The following TCF7L2 variants were observed in gnomAD, a reference collection of about 807,000 sequenced individuals.
TCF7L2 encodes transcription factor 7 like 2.
A neutral mutation model predicts 77.9 loss-of-function variants in TCF7L2; 23 were observed. That is an observed-to-expected ratio of 0.30 (90% CI 0.21 to 0.42). The LOEUF (loss-of-function observed/expected upper bound fraction) is 0.42, where lower values mean the gene tolerates loss of function less well. Ranked by LOEUF, TCF7L2 falls within the 10% of genes least tolerant of loss-of-function variation. The pLI, the probability that TCF7L2 is intolerant of heterozygous loss-of-function variation, is 1.00. For missense variants in TCF7L2, 654 were observed against 793.1 expected (o/e 0.82, Z 2.11); for synonymous variants, 413 against 340.2 (o/e 1.21, Z -2.36).
chr10:112,967,364 C>G (rs1227126924), intron 4 of TCF7L2, among the ~76,000 whole-genome samples: 1 of 152,200 alleles, frequency 6.6e-6, no homozygotes, highest in Admixed American at 6.5e-5. Context: ...TCACATTAGA[C>G]TCATACGACT....
chr10:113,089,681 C>T, intron 5 of TCF7L2: 1 of 1,150,788 alleles, frequency 8.7e-7, no homozygotes, highest in Non-Finnish European at 1.2e-6. Context: ...TTTTGGGTGC[C>T]ATGATGTCTG....
intron 5 of TCF7L2, among the ~76,000 whole-genome samples, chr10:113,110,614 C>T (rs907454561): frequency 6.6e-6 from 1 of 152,110 alleles, no homozygotes; most frequent in Non-Finnish European, 1.5e-5. Context: ...TAATTGCTGG[C>T]TTTTGACCCC....
rs1225309646 is a variant in TCF7L2 at position 112,950,620 on chromosome 10, A to G, written c.-137A>G. The G allele has an allele frequency of 1.4e-6, 1 of 712,842 alleles. No homozygotes were observed. The highest frequency in any genetic ancestry group is 2.0e-6 in the Non-Finnish European group (1 of 505,472). The allele number at this position is 712,842 out of a possible 1,614,324, so 44.2% of individuals were successfully genotyped here. ...CCCCAGGAGAAAAAGACCCCCAAGC[A>G]GAAAAAAGTTCACCTTGGACTCGTC... is the stretch of plus-strand genomic sequence containing the variant. On this transcript the variant is annotated 5_prime_UTR_variant, in exon 1 of 14. Transcript: ENST00000627217.
intron 4 of TCF7L2, among the ~76,000 whole-genome samples, chr10:113,027,698 A>G (rs1192692769): frequency 6.6e-6 from 1 of 152,168 alleles, no homozygotes. Flanking sequence ...GGCAGGGGTA[A>G]GAGAGGCAGT....
intron 4 of TCF7L2, among the ~76,000 whole-genome samples, chr10:113,007,170 A>G (rs1191019341): frequency 6.6e-6 from 1 of 152,154 alleles, no homozygotes; most frequent in Non-Finnish European, 1.5e-5. Context: ...TGAGAGAAGG[A>G]TCATGGGGTA....
At chr10:113,039,945 A>G in intron 4 of TCF7L2, 80 bp from the exon 5 acceptor site, 1 of 1,229,074 alleles carries the variant, frequency 8.1e-7, no homozygotes, top group South Asian at 1.3e-5. Flanking sequence ...CCCATGTCAC[A>G]GTTATTTCTT....
chr10:112,966,184 T>TATATATATATATATATATATA (rs2036754580), intron 4 of TCF7L2, among the ~76,000 whole-genome samples: 7 of 114,278 alleles, frequency 6.1e-5, no homozygotes, highest in African/African-American at 2.4e-4. Flanking sequence ...TAAAATATAT[T>TATATATATATATATATATATA]TATATATATA....
At chr10:113,084,003 G>C (rs1164879895) in intron 5 of TCF7L2, among the ~76,000 whole-genome samples, 1 of 152,166 alleles carries the variant, frequency 6.6e-6, no homozygotes, top group Non-Finnish European at 1.5e-5. Context: ...AATTAAATGA[G>C]ATGATTTCTA....
chr10:113,167,025 A>G lies in TCF7L2; in HGVS notation c.*1053A>G. 4.3e-6 allele frequency: 1 copy of G among 231,680 alleles called. No homozygotes were observed. 14.4% of individuals were successfully genotyped at this position (231,680 alleles called of 1,614,324 possible). A position where few individuals can be genotyped will look rare whatever the true frequency, so the allele number is the denominator to read the frequency against. On this transcript the variant is annotated 3_prime_UTR_variant, in exon 14 of 14. Transcript: ENST00000627217. The stretch of plus-strand genomic sequence containing the variant: ...CTTTGAACTCCCAGTGGGATGCCCT[A>G]CCCTGCGCCCTTAGGACCCGGACTG...
chr10:113,083,539 C>T (rs2059532679), intron 5 of TCF7L2, among the ~76,000 whole-genome samples: 1 of 152,142 alleles, frequency 6.6e-6, no homozygotes, highest in South Asian at 2.1e-4. Flanking sequence ...TAATTAGTTC[C>T]CATCAAAGTT....
chr10:113,084,457 A>G (rs1188345665), intron 5 of TCF7L2, among the ~76,000 whole-genome samples: 1 of 152,246 alleles, frequency 6.6e-6, no homozygotes, highest in Admixed American at 6.5e-5. Flanking sequence ...TCAGGCCTTC[A>G]GCTGATGGGC....
At chr10:113,092,198 C>T (rs551415548) in intron 5 of TCF7L2, among the ~76,000 whole-genome samples, 9 of 152,190 alleles carry the variant, frequency 5.9e-5, no homozygotes, top group Admixed American at 1.3e-4. Context: ...CATTTCTCAG[C>T]CTTGTCCTCA....
chr10:113,090,801 G>T (rs962807406), intron 5 of TCF7L2, among the ~76,000 whole-genome samples: 6 of 152,020 alleles, frequency 3.9e-5, no homozygotes, highest in Non-Finnish European at 7.4e-5. Flanking sequence ...GTAAAGACAG[G>T]GTTTCACCCT....
chr10:112,963,073 G>C (rs2035707615), intron 3 of TCF7L2, among the ~76,000 whole-genome samples: 1 of 152,010 alleles, frequency 6.6e-6, no homozygotes, highest in Non-Finnish European at 1.5e-5. Flanking sequence ...TCTGTTTGGG[G>C]CAAGCAGACT....
chr10:112,982,346 G>A (rs1253596914), intron 4 of TCF7L2, among the ~76,000 whole-genome samples: 2 of 152,040 alleles, frequency 1.3e-5, no homozygotes, highest in African/African-American at 2.4e-5. Flanking sequence ...GGCCTATCAC[G>A]GGGATTCATG....
chr10:113,076,189 A>T (rs1230008520), intron 5 of TCF7L2, among the ~76,000 whole-genome samples: 3 of 150,072 alleles, frequency 2.0e-5, no homozygotes, highest in South Asian at 2.1e-4. Flanking sequence ...CCAGGCTGGG[A>T]TATACTGACT....
chr10:113,072,115 G>A (rs2058096568), intron 5 of TCF7L2, among the ~76,000 whole-genome samples: 1 of 152,156 alleles, frequency 6.6e-6, no homozygotes, highest in Admixed American at 6.5e-5. Flanking sequence ...GGAGTGCAGT[G>A]GCACGATCTC....
At chr10:112,951,649 C>T in intron 3 of TCF7L2, 42 bp downstream of exon 3, 1 of 1,064,304 alleles carries the variant, frequency 9.4e-7, no homozygotes, top group Admixed American at 5.8e-5. Context: ...TGCCCGCCCG[C>T]CCGCGCCGCC....
intron 4 of TCF7L2, among the ~76,000 whole-genome samples, chr10:113,022,917 G>C (rs2048482899): frequency 6.6e-6 from 1 of 152,200 alleles, no homozygotes; most frequent in Admixed American, 6.5e-5. Flanking sequence ...CACTTGGCAT[G>C]TATTAGGCAC....
Sources: gnomAD v4.1 joint callset for allele counts (sites outside exome capture counted in the v4.1 genomes callset) on GRCh38, gnomAD v4.1.1 for gene constraint, MANE v1.5 for transcripts, NCBI Gene and HGNC (gene_info 2026-07-23, HGNC 2026-07-21) for gene names.